KCNC2: variants seen among roughly 807,000 people sequenced by gnomAD.
KCNC2 encodes voltage-gated potassium channel KCNC2.
In KCNC2, 21 loss-of-function variants were observed where a neutral mutation model predicts 44.5. That is an observed-to-expected ratio of 0.47 (90% confidence interval 0.33 to 0.68). KCNC2 has a LOEUF of 0.68. Among genes scored for constraint, KCNC2 ranks in the 30% least tolerant of loss-of-function variants. The pLI is 0.01. For synonymous variants in KCNC2, 391 were observed against 339.1 expected (o/e 1.15, Z -1.68); for missense variants, 589 against 826.2 (o/e 0.71, Z 3.52).
At chr12:75,077,578 C>G (rs1159895434) in intron 2 of KCNC2, among the ~76,000 whole-genome samples, 3 of 152,092 alleles carry the variant, frequency 2.0e-5, no homozygotes. Context: ...CTTGAAAGGG[C>G]AAAATTTTTC....
At chr12:75,046,524 A>C (rs948274324) in intron 4 of KCNC2, among the ~76,000 whole-genome samples, 1 of 151,802 alleles carries the variant, frequency 6.6e-6, no homozygotes, top group Non-Finnish European at 1.5e-5. Context: ...ATGTAAATTT[A>C]ACATGTATAT....
chr12:75,067,717 T>C (rs775355722), intron 2 of KCNC2, among the ~76,000 whole-genome samples: 1 of 152,188 alleles, frequency 6.6e-6, no homozygotes, highest in Non-Finnish European at 1.5e-5. Context: ...AAAGTATTAA[T>C]ATGGAGAATG....
At chr12:75,167,184 T>C (rs1388700205) in intron 2 of KCNC2, among the ~76,000 whole-genome samples, 1 of 151,340 alleles carries the variant, frequency 6.6e-6, no homozygotes, top group Non-Finnish European at 1.5e-5. Flanking sequence ...ATAACTTCAC[T>C]GAAATAGACA....
chr12:75,174,655 A>G (rs2137601781), intron 2 of KCNC2, among the ~76,000 whole-genome samples: 1 of 151,998 alleles, frequency 6.6e-6, no homozygotes, highest in South Asian at 2.1e-4. Context: ...TTGGAGTTCA[A>G]AAGTCCTTCC....
At chr12:75,058,886 G>A (rs1372806352) in intron 2 of KCNC2, among the ~76,000 whole-genome samples, 2 of 152,052 alleles carry the variant, frequency 1.3e-5, no homozygotes, top group African/African-American at 4.8e-5. Flanking sequence ...TATTAAGTTA[G>A]AGCTGTAGTA....
At chr12:75,141,774 TGAGTATTACTATGTACCA>T (rs1456193785) in intron 2 of KCNC2, among the ~76,000 whole-genome samples, 14 of 152,264 alleles carry the variant, frequency 9.2e-5, no homozygotes, top group African/African-American at 3.1e-4. Flanking sequence ...TACTCTTTAA[TGAGTATTACTATGTACCA>T]GAGTAAAAAA....
Position 75,154,016 on chromosome 12 carries a change from G to A in KCNC2, c.687+53281C>T, listed in dbSNP as rs1890593503. 2.6e-5 allele frequency among the ~76,000 whole-genome samples: 4 copies of A among 151,786 alleles called. No homozygotes were observed. The South Asian group carries it at 6.2e-4, about 24-fold the overall frequency. On this transcript the variant is annotated intron_variant, in intron 2 of 4. Transcript: ENST00000549446. ...AAAAAAACTATGTATAAATGGACCT[G>A]CACAGTTCAAACTCACATTGTTCAA...
intron 2 of KCNC2, among the ~76,000 whole-genome samples, chr12:75,154,143 G>A (rs576215957): frequency 9.9e-5 from 15 of 151,986 alleles, no homozygotes; most frequent in Non-Finnish European, 2.1e-4. Context: ...ATTCCATTGA[G>A]TGCTTTCATG....
intron 2 of KCNC2, among the ~76,000 whole-genome samples, chr12:75,205,104 C>G (rs1212307644): frequency 1.3e-5 from 2 of 152,124 alleles, no homozygotes; most frequent in Admixed American, 6.5e-5. Context: ...AATCTCAAGA[C>G]CAATGTGATC....
At chr12:75,068,101 A>G (rs568035308) in intron 2 of KCNC2, among the ~76,000 whole-genome samples, 1 of 152,296 alleles carries the variant, frequency 6.6e-6, no homozygotes, top group Admixed American at 6.5e-5. Flanking sequence ...AGCTTGACAA[A>G]TATGCACATC....
At chr12:75,134,271 A>G (rs1044791547) in intron 2 of KCNC2, among the ~76,000 whole-genome samples, 4 of 152,000 alleles carry the variant, frequency 2.6e-5, no homozygotes, top group Non-Finnish European at 5.9e-5. Context: ...TATAATAGGC[A>G]TTAAGTGAAT....
At chr12:75,137,061 A>G (rs548386316) in intron 2 of KCNC2, among the ~76,000 whole-genome samples, 1 of 152,214 alleles carries the variant, frequency 6.6e-6, no homozygotes, top group Admixed American at 6.5e-5. Context: ...CCTTTTGAAA[A>G]TACCTTTGCC....
intron 2 of KCNC2, among the ~76,000 whole-genome samples, chr12:75,184,192 T>A (rs767446592): frequency 3.3e-4 from 50 of 152,226 alleles, no homozygotes; most frequent in Non-Finnish European, 1.5e-4. Flanking sequence ...GCAAGTTTTA[T>A]AAGACTCGTG....
chr12:75,084,509 T>A (rs1295146456), intron 2 of KCNC2, among the ~76,000 whole-genome samples: 6 of 151,936 alleles, frequency 3.9e-5, no homozygotes, highest in Admixed American at 3.9e-4. Context: ...TGAGATCTGA[T>A]GAGTTTATCA....
rs1883415142 is a variant in KCNC2, at chr12:75,071,676, A to G, written c.688-20359T>C. ...GACGGAAGAATTAACTCTTGGCCAG[A>G]CGCGGTGGCTCACGCCTGTAATCCC... is the stretch of plus-strand genomic sequence containing the variant. On this transcript the variant is annotated intron_variant, in intron 2 of 4. Coordinates refer to ENST00000549446, the MANE Select transcript of KCNC2 (RefSeq NM_139137.4). 1.3e-5 allele frequency among the ~76,000 whole-genome samples: 2 copies of G among 152,080 alleles called. 1 individual carries two copies. Among genetic ancestry groups the G allele is most frequent in the Admixed American group, 1.3e-4 (2 of 15,274 alleles).
intron 2 of KCNC2, among the ~76,000 whole-genome samples, chr12:75,109,560 C>T (rs1004887868): frequency 2.1e-4 from 32 of 152,136 alleles, no homozygotes; most frequent in African/African-American, 7.7e-4. Context: ...CGCTGCACCC[C>T]AGAAGATCAG....
At chr12:75,175,970 T>C (rs1330101520) in intron 2 of KCNC2, among the ~76,000 whole-genome samples, 1 of 152,120 alleles carries the variant, frequency 6.6e-6, no homozygotes, top group Non-Finnish European at 1.5e-5. Context: ...ATTATTTATC[T>C]GAAATTCAAA....
chr12:75,207,385 C>G lies in KCNC2; in HGVS notation c.599G>C (p.Gly200Ala). Residue 200 changes from glycine (G) to alanine (A), a missense_variant, in exon 2 of 5, where the codon GGC (glycine) becomes GCC (alanine). Coordinates refer to ENST00000549446, the MANE Select transcript of KCNC2 (RefSeq NM_139137.4). This position sits in a 1 kb window ranked among gnomAD's most constrained non-coding sequence, Gnocchi z 4.1. ...CCAGCGGCCAGATTTGCCGTCGGGG[C>G]CCCCGAGCCCCGCCGCGTCCTCGAT... ...LGIEDAAGLG[G>A]PDGKSGRWRR... 1.3e-6 allele frequency: 2 copies of G among 1,580,692 alleles called. No homozygotes were observed. The highest frequency in any genetic ancestry group is 1.1e-5 in the South Asian group (1 of 87,004).
At chr12:75,100,271 C>T (rs1311233410) in intron 2 of KCNC2, among the ~76,000 whole-genome samples, 2 of 152,078 alleles carry the variant, frequency 1.3e-5, no homozygotes, top group Non-Finnish European at 2.9e-5. Context: ...ATCCATCCCT[C>T]ATTCTTCCCT....
Sources: allele counts gnomAD v4.1 joint callset (sites outside exome capture counted in the v4.1 genomes callset), GRCh38; gene constraint gnomAD v4.1.1; non-coding constraint Gnocchi (gnomAD v3.1); transcripts MANE v1.5; gene names NCBI Gene and HGNC (gene_info 2026-07-23, HGNC 2026-07-21).